Variants in PGBD2 observed in about 807,000 individuals in gnomAD.
PGBD2 encodes piggyBac transposable element-derived protein 2.
In PGBD2, 6 loss-of-function variants were observed where a neutral mutation model predicts 8.1. The observed-to-expected ratio is 0.74, with a 90% CI of 0.40 to 1.46. The LOEUF (loss-of-function observed/expected upper bound fraction) is 1.46, where lower values mean the gene tolerates loss of function less well. Among genes scored for constraint, PGBD2 ranks in the 40% most tolerant of loss-of-function variants. The pLI is 0.02. For missense variants in PGBD2, 802 were observed against 739.0 expected (o/e 1.09, Z -0.99); for synonymous variants, 318 against 272.2 (o/e 1.17, Z -1.66).
the PGBD2 span, among the ~76,000 whole-genome samples, chr1:248,875,220 T>C: frequency 4.3e-5 from 6 of 140,740 alleles, no homozygotes; most frequent in South Asian, 6.6e-4. Flanking sequence ...GGCGTGAACC[T>C]GGGAGGCGGA....
At chr1:248,886,508 A>T in the PGBD2 span, among the ~76,000 whole-genome samples, 1 of 152,248 alleles carries the variant, frequency 6.6e-6, no homozygotes, top group Non-Finnish European at 1.5e-5. Context: ...GAGATATTGA[A>T]CAAAAAGCAG....
the PGBD2 span, among the ~76,000 whole-genome samples, chr1:248,882,520 G>A: frequency 6.6e-6 from 1 of 152,286 alleles, no homozygotes; most frequent in African/African-American, 2.4e-5. Flanking sequence ...CATGAAGCTA[G>A]ACAATCGGTT....
At chr1:248,911,422 A>G (rs1457148453) in intron 1 of PGBD2, among the ~76,000 whole-genome samples, 2 of 150,004 alleles carry the variant, frequency 1.3e-5, no homozygotes, top group African/African-American at 2.5e-5. Flanking sequence ...TTCAGAGAGC[A>G]CAGGGTTGGG....
chr1:248,926,765 A>G, the PGBD2 span, among the ~76,000 whole-genome samples: 1 of 152,216 alleles, frequency 6.6e-6, no homozygotes, highest in Non-Finnish European at 1.5e-5. Flanking sequence ...GAACACTGAA[A>G]TGAACCAGCA....
At chr1:248,874,506 A>G in the PGBD2 span, among the ~76,000 whole-genome samples, 1 of 152,198 alleles carries the variant, frequency 6.6e-6, no homozygotes, top group African/African-American at 2.4e-5. Context: ...TTTACTCATG[A>G]TATCTTAAGA....
At chr1:248,880,015 AGTGCTTCTGCT>A in the PGBD2 span, among the ~76,000 whole-genome samples, 3 of 152,186 alleles carry the variant, frequency 2.0e-5, no homozygotes, top group Non-Finnish European at 4.4e-5. Context: ...CTGGAGTCTG[AGTGCTTCTGCT>A]GTTCAATGGG....
chr1:248,884,148 T>G, the PGBD2 span, among the ~76,000 whole-genome samples: 1 of 152,198 alleles, frequency 6.6e-6, no homozygotes, highest in Non-Finnish European at 1.5e-5. Flanking sequence ...GAGTCCAGCT[T>G]CATTCTTCTG....
chr1:248,918,221 G>C lies in PGBD2; in HGVS notation c.1637G>C (p.Arg546Pro). The change falls in exon 3 of 3, where the codon CGC becomes CCC. Residue 546 changes from arginine (R) to proline (P), a missense_variant. By Grantham distance (103) the Arg-to-Pro change is moderately radical (BLOSUM62 -2). Transcript: ENST00000329291. ...AGCAGGCGGTTGGAGACTGAGAGCC[G>C]CTTCGATATGATTGGGCACTGGATT... ...RRSRRLETES[R>P]FDMIGHWIIH... 6.2e-7 allele frequency: 1 copy of C among 1,614,114 alleles called. No individual in the cohort carries two copies. The highest frequency in any genetic ancestry group is 8.5e-7 in the Non-Finnish European group (1 of 1,180,018).
rs34013644 is a variant in PGBD2 at position 248,917,151 on chromosome 1, T to C, written c.567T>C (p.Ser189=). The C allele has an allele frequency of 0.032, 52,429 of 1,614,088 alleles. 1,062 individuals carry two copies. The highest frequency in any genetic ancestry group is 0.064 in the East Asian group (2,853 of 44,874). ...GTGTTTTGGGCATTTTGATTTTAAG[T>C]GGGTACATCTCTTATCCAAGGAGAA... ...LKCVLGILIL[S]GYISYPRRRM... is the part of the protein sequence containing the mutation. The change falls in exon 3 of 3, where the codon AGT becomes AGC. Residue 189 remains serine, a synonymous_variant. Coordinates refer to ENST00000329291, the MANE Select transcript of PGBD2 (RefSeq NM_170725.3).
At chr1:248,920,120 G>C (rs1447864812), downstream of PGBD2, among the ~76,000 whole-genome samples, 1 of 149,314 alleles carries the variant, frequency 6.7e-6, no homozygotes, top group Non-Finnish European at 1.5e-5. Context: ...CAAGTGATTT[G>C]CCCACCTCAG....
chr1:248,927,417 G>A, the PGBD2 span, among the ~76,000 whole-genome samples: 1 of 152,166 alleles, frequency 6.6e-6, no homozygotes, highest in East Asian at 1.9e-4. Flanking sequence ...GTGATTCTAT[G>A]CAGAAGGCAA....
Position 248,917,269 on chromosome 1 carries a change from C to G in PGBD2, c.685C>G (p.His229Asp), listed in dbSNP as rs767818720. The G allele has an allele frequency of 2.5e-6, 4 of 1,614,050 alleles. No individual in the cohort carries two copies. Among genetic ancestry groups the G allele is most frequent in the African/African-American group, 1.3e-5 (1 of 74,912 alleles). ...ATTTGAACTAATCTTCTCATACTTA[C>G]ATTTTGCAGATAACAACGAACTTGA... ...DRFELIFSYL[H>D]FADNNELDAS... The change falls in exon 3 of 3, where the codon CAT (histidine) becomes GAT (aspartate). Residue 229 changes from histidine (H) to aspartate (D), a missense_variant. His to Asp is a moderately conservative substitution (Grantham distance 81). Transcript: ENST00000329291.
chr1:248,917,879 G>T lies in PGBD2; in HGVS notation c.1295G>T (p.Arg432Met). 3 of 1,614,226 alleles carry T rather than the reference G, an allele frequency of 1.9e-6. No homozygotes were observed. Residue 432 changes from arginine (R) to methionine (M), a missense_variant, in exon 3 of 3, where the codon AGG becomes ATG. Physicochemically the swap from Arg to Met is moderately conservative, Grantham distance 91. Transcript: ENST00000329291. ...CSNAVGIEPV[R>M]LTSRHSGAAK... ...AATGCTGTGGGCATAGAGCCAGTGA[G>T]GCTGACCAGTCGTCACTCTGGAGCA...
At chr1:248,882,748 C>T in the PGBD2 span, among the ~76,000 whole-genome samples, 1 of 152,212 alleles carries the variant, frequency 6.6e-6, no homozygotes. Context: ...ACCTCCCTGA[C>T]CGCACGTCCA....
At chr1:248,921,672 AAAGT>A (rs1317199258), downstream of PGBD2, among the ~76,000 whole-genome samples, 5 of 152,196 alleles carry the variant, frequency 3.3e-5, no homozygotes, top group Non-Finnish European at 5.9e-5. Context: ...TTCTGTGAAG[AAAGT>A]CAGTGTTAGC....
In PGBD2 at chr1:248,911,606, C is replaced by A. The variant is rs1176033379; in HGVS notation, c.-47-2210C>A. Among the ~76,000 whole-genome samples, 89 of 145,706 alleles carry A rather than the reference C, an allele frequency of 6.1e-4. 1 individual carries two copies. The highest frequency in any genetic ancestry group is 1.2e-3 in the African/African-American group (41 of 35,620). ...ATTCCACAAAGCCGCCATTGTCATC[C>A]TGGCCCGTTCTCAATGAGCTGTTGG... On this transcript the variant is annotated intron_variant, in intron 1 of 2. Transcript: ENST00000329291.
At chr1:248,920,997 T>A (rs946161346), downstream of PGBD2, among the ~76,000 whole-genome samples, 1 of 152,146 alleles carries the variant, frequency 6.6e-6, no homozygotes, top group Non-Finnish European at 1.5e-5. Flanking sequence ...TTTTTTTTTT[T>A]TCTTGTAAAT....
At position 248,917,207 on chromosome 1, in the gene PGBD2, A is replaced by G. The variant is rs764797130; in HGVS notation, c.623A>G (p.His208Arg). 24 of 1,614,054 alleles carry G rather than the reference A, an allele frequency of 1.5e-5. No individual in the cohort carries two copies. In the African/African-American group the frequency reaches 1.7e-4, roughly 12 times the overall value. ...RMFWETSPDS[H>R]HHLVADAIRR... ...TTCTGGGAAACCTCTCCCGATTCAC[A>G]TCATCATCTTGTGGCTGATGCAATT... is the stretch of plus-strand genomic sequence containing the variant. Residue 208 changes from histidine (H) to arginine (R), a missense_variant, in exon 3 of 3, where the codon CAT becomes CGT. By Grantham distance (29) the His-to-Arg change is conservative (BLOSUM62 0). Transcript: ENST00000329291.
At chr1:248,901,003 A>G in the PGBD2 span, among the ~76,000 whole-genome samples, 955 of 152,276 alleles carry the variant, frequency 6.3e-3, 15 homozygotes, top group African/African-American at 0.022. Context: ...GCCCACAAAC[A>G]AAATAAAATA....
Sources: gnomAD v4.1 joint callset for allele counts (sites outside exome capture counted in the v4.1 genomes callset) on GRCh38, gnomAD v4.1.1 for gene constraint, MANE v1.5 for transcripts, NCBI Gene and HGNC (gene_info 2026-07-23, HGNC 2026-07-21) for gene names.